Variants in PMFBP1 observed in about 807,000 individuals in gnomAD.
PMFBP1 encodes polyamine modulated factor 1 binding protein 1.
PMFBP1 carries 131 observed loss-of-function variants against 137.8 expected under a neutral mutation model. That is an observed-to-expected ratio of 0.95 (90% confidence interval 0.82 to 1.10). The LOEUF (loss-of-function observed/expected upper bound fraction) is 1.10. PMFBP1 is among the 50% of genes least tolerant of loss of function. The probability of loss-of-function intolerance (pLI) is 0.00; values close to 1 mark genes in which losing one functional copy is unlikely to be tolerated. For missense variants in PMFBP1, 1,199 were observed against 1,175.4 expected, an observed-to-expected ratio of 1.02 and a Z score of -0.29; for synonymous variants, 490 against 450.4, an observed-to-expected ratio of 1.09 and a Z score of -1.11.
intron 5 of PMFBP1, among the ~76,000 whole-genome samples, chr16:72,149,507 G>A (rs1219045788): frequency 2.0e-5 from 3 of 152,202 alleles, no homozygotes; most frequent in African/African-American, 4.8e-5. Context: ...ATACAAGGTA[G>A]TAAGTAAAAT....
At chr16:72,148,597 T>C (rs2042851315) in intron 5 of PMFBP1, among the ~76,000 whole-genome samples, 1 of 152,124 alleles carries the variant, frequency 6.6e-6, no homozygotes, top group Non-Finnish European at 1.5e-5. Flanking sequence ...AGTTACAGAC[T>C]GGGAGAAAAT....
At chr16:72,225,730 A>AAT in the PMFBP1 span, among the ~76,000 whole-genome samples, 2 of 146,226 alleles carry the variant, frequency 1.4e-5, no homozygotes, top group East Asian at 3.9e-4. Flanking sequence ...TAATAATAAT[A>AAT]ATAATAATAA....
At chr16:72,225,753 A>AATAATAATAAT in the PMFBP1 span, among the ~76,000 whole-genome samples, 1 of 141,170 alleles carries the variant, frequency 7.1e-6, no homozygotes, top group Middle Eastern at 3.6e-3. Flanking sequence ...ATAATAATAA[A>AATAATAATAAT]GCCTCACAAA....
At chr16:72,209,051 C>T in the PMFBP1 span, among the ~76,000 whole-genome samples, 1 of 152,256 alleles carries the variant, frequency 6.6e-6, no homozygotes. Flanking sequence ...TCTCCACACA[C>T]CTCCGCTCTT....
intron 3 of PMFBP1, among the ~76,000 whole-genome samples, chr16:72,154,826 T>C (rs2042957781): frequency 1.3e-5 from 2 of 152,222 alleles, no homozygotes; most frequent in African/African-American, 4.8e-5. Flanking sequence ...AATGGATTTC[T>C]GGCCTTGGTT....
Position 72,125,397 on chromosome 16 carries a change from G to A in PMFBP1, c.2262C>T (p.His754=), listed in dbSNP as rs779629287. ...DLTQALEKLN[H]VTSETKSLQQ... is the part of the protein sequence containing the mutation. ...GCAGGCTCTTTGTCTCTGAGGTCAC[G>A]TGATTGAGCTTCCGGAAAAGACAAA... Residue 754 remains histidine, a synonymous_variant, in exon 16 of 21, where the codon CAC becomes CAT. Coordinates refer to ENST00000237353, the MANE Select transcript of PMFBP1 (RefSeq NM_031293.3). 6 of 1,608,828 alleles carry A rather than the reference G, an allele frequency of 3.7e-6. No homozygotes were observed. Among genetic ancestry groups the A allele is most frequent in the South Asian group, 3.3e-5 (3 of 90,288 alleles).
intron 3 of PMFBP1, among the ~76,000 whole-genome samples, chr16:72,163,988 G>A (rs1325128287): frequency 6.6e-6 from 1 of 151,334 alleles, no homozygotes; most frequent in East Asian, 1.9e-4. Flanking sequence ...TTGGGTGATG[G>A]GTGCACCAAA....
intron 14 of PMFBP1, 41 bp from the exon 15 acceptor site, chr16:72,126,173 G>C (rs2042455192): frequency 6.3e-7 from 1 of 1,598,632 alleles, no homozygotes; most frequent in Non-Finnish European, 8.5e-7. Flanking sequence ...TGCCAGGTCA[G>C]GGTCATAGAG....
intron 9 of PMFBP1, 104 bp downstream of exon 9, chr16:72,136,344 G>C: frequency 7.4e-7 from 1 of 1,348,384 alleles, no homozygotes; most frequent in Non-Finnish European, 1.0e-6. Context: ...CTTGTGTTGA[G>C]GCTCCCAAAG....
chr16:72,211,751 T>C, the PMFBP1 span, among the ~76,000 whole-genome samples: 2 of 152,062 alleles, frequency 1.3e-5, no homozygotes, highest in Admixed American at 6.6e-5. Flanking sequence ...TCCCAGCAAT[T>C]TGGGAGGCTG....
At chr16:72,124,006 C>T (rs2042415243) in intron 17 of PMFBP1, among the ~76,000 whole-genome samples, 1 of 152,108 alleles carries the variant, frequency 6.6e-6, no homozygotes, top group Non-Finnish European at 1.5e-5. Context: ...GGAAGAGATG[C>T]CTTCTTTTTC....
chr16:72,120,623 C>T (rs2042364232), intron 19 of PMFBP1, among the ~76,000 whole-genome samples: 1 of 152,208 alleles, frequency 6.6e-6, no homozygotes, highest in Admixed American at 6.5e-5. Context: ...CCCCATTTTA[C>T]AGATTAGGAA....
chr16:72,233,030 A>G, the PMFBP1 span, among the ~76,000 whole-genome samples: 3 of 152,132 alleles, frequency 2.0e-5, no homozygotes, highest in African/African-American at 7.2e-5. Context: ...AAAACTTACA[A>G]AGCCATTTAT....
chr16:72,237,333 T>C, the PMFBP1 span, among the ~76,000 whole-genome samples: 1 of 152,268 alleles, frequency 6.6e-6, no homozygotes, highest in Non-Finnish European at 1.5e-5. Context: ...TTATCCTCCT[T>C]GGCCATATCT....
At chr16:72,135,558 G>A (rs1336476980) in intron 9 of PMFBP1, among the ~76,000 whole-genome samples, 1 of 151,880 alleles carries the variant, frequency 6.6e-6, no homozygotes, top group African/African-American at 2.4e-5. Context: ...GAAGTTCAGA[G>A]TCGGAATAGT....
intron 3 of PMFBP1, among the ~76,000 whole-genome samples, chr16:72,162,183 G>A (rs1159645007): frequency 1.3e-5 from 2 of 152,186 alleles, no homozygotes; most frequent in East Asian, 3.9e-4. Context: ...ACTACAGTGA[G>A]GGAAGTGAGG....
At chr16:72,231,905 G>GTCCTCACAAAA in the PMFBP1 span, among the ~76,000 whole-genome samples, 31,257 of 151,870 alleles carry the variant, frequency 0.21, 3,655 homozygotes, top group East Asian at 0.42. Flanking sequence ...ATATACTTTT[G>GTCCTCACAAAA]GGAAGACACC....
chr16:72,245,075 TCA>T, the PMFBP1 span, among the ~76,000 whole-genome samples: 2 of 152,136 alleles, frequency 1.3e-5, no homozygotes, highest in African/African-American at 2.4e-5. Context: ...AGTCAATTCC[TCA>T]GAGTTGCAGT....
At position 72,150,708 on chromosome 16, in the gene PMFBP1, T is replaced by TTTAA; in HGVS notation, c.532_535dup (p.Asn179IlefsTer7). ...AGACTGGTATTTATCCCTGTAGAGG[T>TTTAA]TTAAGCTCCTCTCTAGAGAGGCGAT... On this transcript the variant is annotated frameshift_variant, in exon 5 of 21. Coordinates refer to ENST00000237353, the MANE Select transcript of PMFBP1 (RefSeq NM_031293.3). LOFTEE classifies it high-confidence loss of function. 5 of 1,614,124 alleles carry TTTAA rather than the reference T, an allele frequency of 3.1e-6. No homozygotes were observed. Among genetic ancestry groups the TTTAA allele is most frequent in the Non-Finnish European group, 4.2e-6 (5 of 1,179,994 alleles).
Sources: allele counts gnomAD v4.1 joint callset (sites outside exome capture counted in the v4.1 genomes callset), GRCh38; gene constraint gnomAD v4.1.1; transcripts MANE v1.5; gene names NCBI Gene and HGNC (gene_info 2026-07-23, HGNC 2026-07-21).